Variants in SMPDL3B observed in about 807,000 individuals in gnomAD.
SMPDL3B encodes acid sphingomyelinase-like phosphodiesterase 3b.
A neutral mutation model predicts 37.9 loss-of-function variants in SMPDL3B; 31 were observed. The ratio of observed to expected loss-of-function variants is 0.82; its 90% CI spans 0.61 to 1.10. The LOEUF (loss-of-function observed/expected upper bound fraction) is 1.10, where lower values mean the gene tolerates loss of function less well. SMPDL3B is among the 50% of genes least tolerant of loss of function. SMPDL3B has a pLI of 0.00. For missense variants in SMPDL3B, 525 were observed against 597.8 expected, an observed-to-expected ratio of 0.88 and a Z score of 1.27; for synonymous variants, 235 against 242.6, an observed-to-expected ratio of 0.97 and a Z score of 0.29.
chr1:27,958,697 C>A lies in SMPDL3B; in HGVS notation c.1227C>A (p.Cys409Ter). The A allele has an allele frequency of 6.2e-7, 1 of 1,613,918 alleles. No homozygotes were observed. Among genetic ancestry groups the A allele is most frequent in the Non-Finnish European group, 8.5e-7 (1 of 1,180,026 alleles). Residue 409 changes from cysteine to a stop codon, truncating the protein, a stop_gained, in exon 8 of 8, where the codon TGC (cysteine) becomes TGA (stop). Coordinates refer to ENST00000373894, the MANE Select transcript of SMPDL3B (RefSeq NM_014474.4). LOFTEE classifies it low-confidence loss of function (END_TRUNC). The surrounding 1 kb of genome is among the most constrained non-coding windows in gnomAD (Gnocchi z 5.6). ...SYSAGVCDEA[C>*]SMQHVCAMRQ... ...CTGCTGGGGTCTGCGACGAGGCCTG[C>A]AGCATGCAGCACGTGTGTGCCATGC...
At chr1:27,949,242 C>T (rs1426041086) in intron 3 of SMPDL3B, 80 bp downstream of exon 3, 16 of 1,442,856 alleles carry the variant, frequency 1.1e-5, no homozygotes, top group East Asian at 2.3e-5. Flanking sequence ...ACAGCAGCAG[C>T]GAGTGTCCTG....
rs760465883 is a variant in SMPDL3B, at chr1:27,945,304, G to A, written c.134G>A (p.Cys45Tyr). Residue 45 changes from cysteine (C) to tyrosine (Y), a missense_variant, in exon 2 of 8, where the codon TGC becomes TAC. Cys to Tyr is a radical substitution (Grantham distance 194). Coordinates refer to ENST00000373894, the MANE Select transcript of SMPDL3B (RefSeq NM_014474.4). The surrounding 1 kb of genome is among the most constrained non-coding windows in gnomAD (Gnocchi z 4.0). ...YKVSKDPFQV[C>Y]PSAGSQPVPD... ...GTATCCAAAGACCCCTTCCAGGTGTGCCCATCAGCTGGATCCCAGCCAGTG... is the reference window on the plus strand; with the variant it reads ...GTATCCAAAGACCCCTTCCAGGTGTACCCATCAGCTGGATCCCAGCCAGTG... 6.2e-7 allele frequency: 1 copy of A among 1,614,182 alleles called. No individual in the cohort carries two copies.
intron 3 of SMPDL3B, among the ~76,000 whole-genome samples, chr1:27,951,531 C>A (rs1316988823): frequency 1.3e-5 from 2 of 152,190 alleles, no homozygotes; most frequent in African/African-American, 4.8e-5. Flanking sequence ...GTTGACAACA[C>A]AGGCACGCAA....
rs993885828 is a variant in SMPDL3B at position 27,958,494 on chromosome 1, A to G, written c.1024A>G (p.Met342Val). 2.5e-6 allele frequency: 4 copies of G among 1,604,368 alleles called. No homozygotes were observed. Among genetic ancestry groups the G allele is most frequent in the Non-Finnish European group, 3.4e-6 (4 of 1,172,124 alleles). Residue 342 changes from methionine (M) to valine (V), a missense_variant, in exon 8 of 8, where the codon ATG becomes GTG. Met to Val is a conservative substitution (Grantham distance 21, BLOSUM62 1). Coordinates refer to ENST00000373894, the MANE Select transcript of SMPDL3B (RefSeq NM_014474.4). This position sits in a 1 kb window ranked among gnomAD's most constrained non-coding sequence, Gnocchi z 5.6. Reference protein sequence around the residue: ...LSLKDMVTYFMNLSQANAQGT... With the variant: ...LSLKDMVTYFVNLSQANAQGT... ...TTTCCAGGACATGGTGACCTACTTC[A>G]TGAACCTGAGCCAGGCGAATGCTCA...
chr1:27,948,416 C>T (rs1377788203), intron 2 of SMPDL3B, among the ~76,000 whole-genome samples: 5 of 151,934 alleles, frequency 3.3e-5, no homozygotes, highest in Admixed American at 2.6e-4. Flanking sequence ...TTTGACTGTC[C>T]GGACGTCTCC....
In SMPDL3B at chr1:27,944,326, C is replaced by G. The variant is rs116761194; in HGVS notation, c.62-906C>G. 3.3e-5 allele frequency among the ~76,000 whole-genome samples: 5 copies of G among 152,076 alleles called. No individual in the cohort carries two copies. The East Asian group carries it at 5.8e-4, about 18-fold the overall frequency. ...GGTCTAGTACTCTTATACTCACTTC[C>G]ACATGTAGTCCCCAGGTTTTTGCTG... On this transcript the variant is annotated intron_variant, in intron 1 of 7. Transcript: ENST00000373894.
chr1:27,935,321 AG>A, intron 1 of SMPDL3B, 77 bp downstream of exon 1: 1 of 1,110,214 alleles, frequency 9.0e-7, no homozygotes, highest in Non-Finnish European at 1.4e-6. Flanking sequence ...GCTCGCAGCC[AG>A]CTTGAAGGTG....
chr1:27,957,333 G>C (rs1638319169), intron 7 of SMPDL3B, among the ~76,000 whole-genome samples: 1 of 152,222 alleles, frequency 6.6e-6, no homozygotes, highest in African/African-American at 2.4e-5. Context: ...TATGAGCTGT[G>C]AGAAAAAGGG....
Position 27,935,158 on chromosome 1 carries a change from C to T in SMPDL3B, c.-26C>T, listed in dbSNP as rs780037709. 1.9e-6 allele frequency: 3 copies of T among 1,601,676 alleles called. No individual in the cohort carries two copies. The highest frequency in any genetic ancestry group is 1.7e-6 in the Non-Finnish European group (2 of 1,168,990). On this transcript the variant is annotated 5_prime_UTR_variant, in exon 1 of 8. The change creates a new upstream start codon in the 5' untranslated region. Coordinates refer to ENST00000373894, the MANE Select transcript of SMPDL3B (RefSeq NM_014474.4). The stretch of plus-strand genomic sequence containing the variant: ...ACAACAACAGTGCCTGAGAATCCCA[C>T]GGCTCTGGGGAAGTGAGCCCCGAGG...
intron 5 of SMPDL3B, 36 bp from the exon 6 acceptor site, chr1:27,955,648 A>G (rs746252744): frequency 6.3e-7 from 1 of 1,591,794 alleles, no homozygotes; most frequent in Non-Finnish European, 8.6e-7. Flanking sequence ...TGGAGAGGGC[A>G]TCTGTGAGCC....
chr1:27,944,961 T>C (rs1441047998), intron 1 of SMPDL3B, among the ~76,000 whole-genome samples: 1 of 152,164 alleles, frequency 6.6e-6, no homozygotes, highest in Non-Finnish European at 1.5e-5. Context: ...TGAGCTCTAA[T>C]GTTGTGGCTG....
intron 1 of SMPDL3B, among the ~76,000 whole-genome samples, chr1:27,935,817 A>G (rs2090302984): frequency 6.6e-6 from 1 of 152,202 alleles, no homozygotes; most frequent in Non-Finnish European, 1.5e-5. Flanking sequence ...GCCTTGAGGC[A>G]GTGAGTGGGG....
At chr1:27,940,535 C>T (rs1390602401) in intron 1 of SMPDL3B, among the ~76,000 whole-genome samples, 2 of 152,006 alleles carry the variant, frequency 1.3e-5, no homozygotes, top group African/African-American at 4.8e-5. Context: ...AGGAAACGGG[C>T]CCAGGGGAAG....
intron 7 of SMPDL3B, chr1:27,956,528 C>T (rs535158669): frequency 4.9e-5 from 52 of 1,070,940 alleles, no homozygotes; most frequent in South Asian, 4.2e-4. Context: ...CCACATTTTC[C>T]GTACACAGAC....
intron 3 of SMPDL3B, 52 bp from the exon 4 acceptor site, chr1:27,953,163 T>TC: frequency 6.1e-6 from 9 of 1,470,196 alleles, no homozygotes; most frequent in East Asian, 2.3e-5. Flanking sequence ...AATGATTAAC[T>TC]CCCCCGAGTG....
chr1:27,955,930 G>A lies in SMPDL3B; in HGVS notation c.872-19G>A, dbSNP rs775022811. 1.1e-5 allele frequency: 17 copies of A among 1,613,716 alleles called. No individual in the cohort carries two copies. In the African/African-American group the frequency reaches 2.1e-4, roughly 20 times the overall value. ...TCTCTCCCCAGACCCGCTCAGTCCT[G>A]CTGTCTCTCTCCTGACAGGTGTCCC... is the stretch of plus-strand genomic sequence containing the variant. On this transcript the variant is annotated intron_variant, in intron 6 of 7. Coordinates refer to ENST00000373894, the MANE Select transcript of SMPDL3B (RefSeq NM_014474.4).
chr1:27,937,049 C>CAAG (rs2090315888), intron 1 of SMPDL3B, among the ~76,000 whole-genome samples: 1 of 150,778 alleles, frequency 6.6e-6, no homozygotes, highest in Non-Finnish European at 1.5e-5. Context: ...CAAACAACAA[C>CAAG]AAAAAAAGGA....
intron 4 of SMPDL3B, among the ~76,000 whole-genome samples, chr1:27,954,109 A>G (rs1404270332): frequency 6.6e-6 from 1 of 152,222 alleles, no homozygotes; most frequent in African/African-American, 2.4e-5. Flanking sequence ...CAGATAAGGA[A>G]ACCGAAGTAT....
intron 7 of SMPDL3B, chr1:27,956,466 C>T: frequency 8.1e-7 from 1 of 1,229,020 alleles, no homozygotes; most frequent in Non-Finnish European, 1.0e-6. Context: ...AAAGTTGTGT[C>T]TCCTTGACCT....
Sources: gnomAD v4.1 joint callset for allele counts (sites outside exome capture counted in the v4.1 genomes callset) on GRCh38, gnomAD v4.1.1 for gene constraint, Gnocchi (gnomAD v3.1) non-coding constraint, MANE v1.5 for transcripts, NCBI Gene and HGNC (gene_info 2026-07-23, HGNC 2026-07-21) for gene names.